The following MPPED1 variants were observed in gnomAD, a reference collection of about 807,000 sequenced individuals.
MPPED1 encodes the protein metallophosphoesterase domain-containing protein 1.
Under a neutral mutation model 36.2 loss-of-function variants are expected in MPPED1, and 16 were observed. The ratio of observed to expected loss-of-function variants is 0.44; its 90% CI spans 0.30 to 0.67. MPPED1 has a LOEUF of 0.67. MPPED1 is among the 30% of genes least tolerant of loss of function. The pLI is 0.10. For synonymous variants in MPPED1, 199 were observed against 191.3 expected (o/e 1.04, Z -0.33); for missense variants, 307 against 453.4 (o/e 0.68, Z 2.93).
chr22:43,446,289 G>A (rs537821792), intron 3 of MPPED1, among the ~76,000 whole-genome samples: 1 of 152,324 alleles, frequency 6.6e-6, no homozygotes, highest in African/African-American at 2.4e-5. Flanking sequence ...CACATTTTCT[G>A]CACTGGGCGT....
chr22:43,494,474 C>A (rs1932193526), intron 4 of MPPED1, among the ~76,000 whole-genome samples: 1 of 152,152 alleles, frequency 6.6e-6, no homozygotes, highest in Admixed American at 6.6e-5. Flanking sequence ...CAGTTTCTAC[C>A]TCCATTGTCA....
At chr22:43,498,159 TG>T in intron 4 of MPPED1, 75 bp from the exon 5 acceptor site, 1 of 1,191,732 alleles carries the variant, frequency 8.4e-7, no homozygotes, top group Non-Finnish European at 1.2e-6. Flanking sequence ...CCCTGGCCCG[TG>T]GGGAGCTCCG....
At chr22:43,447,367 A>G (rs1187439495) in intron 3 of MPPED1, among the ~76,000 whole-genome samples, 2 of 152,140 alleles carry the variant, frequency 1.3e-5, no homozygotes, top group Non-Finnish European at 2.9e-5. Context: ...ATTTTATTCC[A>G]GAACAGGAAT....
At chr22:43,481,797 G>A (rs867682864) in intron 4 of MPPED1, among the ~76,000 whole-genome samples, 39 of 152,260 alleles carry the variant, frequency 2.6e-4, no homozygotes, top group Middle Eastern at 3.4e-3. Flanking sequence ...GCCCCCTCCT[G>A]TGTCCCCTGG....
intron 4 of MPPED1, among the ~76,000 whole-genome samples, chr22:43,484,788 G>A (rs928908342): frequency 1.3e-5 from 2 of 152,116 alleles, no homozygotes; most frequent in African/African-American, 4.8e-5. Context: ...TCAGGGAAAC[G>A]GCTGCTTGAG....
intron 5 of MPPED1, among the ~76,000 whole-genome samples, chr22:43,500,805 G>A (rs28760421): frequency 0.68 from 102,729 of 151,838 alleles, 36,553 homozygotes; most frequent in African/African-American, 0.91. Context: ...GGACACATTC[G>A]GGGGTGAGGG....
intron 3 of MPPED1, among the ~76,000 whole-genome samples, chr22:43,458,248 A>G (rs1385492955): frequency 6.6e-6 from 1 of 152,152 alleles, no homozygotes; most frequent in Non-Finnish European, 1.5e-5. Flanking sequence ...TAAACTGGAT[A>G]GGAGAACAAA....
chr22:43,495,639 AGGT>A lies in MPPED1; in HGVS notation c.633-2594_633-2592del, dbSNP rs1304574191. Among the ~76,000 whole-genome samples, 12 of 54,662 alleles carry A rather than the reference AGGT, an allele frequency of 2.2e-4. 1 individual carries two copies. Among genetic ancestry groups the A allele is most frequent in the Non-Finnish European group, 2.5e-4 (6 of 24,086 alleles). The allele number at this position is 54,662 out of a possible 152,430, so 35.9% of individuals were successfully genotyped here. On this transcript the variant is annotated intron_variant, in intron 4 of 6. Coordinates refer to ENST00000443721, the MANE Select transcript of MPPED1 (RefSeq NM_001044370.2). The stretch of plus-strand genomic sequence containing the variant: ...GTAGTGGTGGAGATGGTGGTGGTGG[AGGT>A]GATGGTGGAGGTAGTGGTGGTGGAG...
At chr22:43,441,445 C>T (rs192920327) in intron 3 of MPPED1, among the ~76,000 whole-genome samples, 113 of 152,264 alleles carry the variant, frequency 7.4e-4, no homozygotes, top group Middle Eastern at 3.4e-3. Context: ...CACTCCAGGG[C>T]GGAGACCATA....
intron 3 of MPPED1, among the ~76,000 whole-genome samples, chr22:43,459,924 T>G (rs73428326): frequency 1.3e-5 from 2 of 152,050 alleles, no homozygotes; most frequent in African/African-American, 4.8e-5. Context: ...TAGATGTTTT[T>G]GTGGCCAGGC....
intron 4 of MPPED1, among the ~76,000 whole-genome samples, chr22:43,477,940 CAAAG>C (rs113703521): frequency 0.044 from 6,679 of 152,240 alleles, 175 homozygotes; most frequent in Admixed American, 0.067. Flanking sequence ...AGGCCTGGCT[CAAAG>C]GAAGGCCCTG....
intron 5 of MPPED1, among the ~76,000 whole-genome samples, chr22:43,501,758 A>T (rs931527334): frequency 6.6e-6 from 1 of 151,826 alleles, no homozygotes; most frequent in Non-Finnish European, 1.5e-5. Flanking sequence ...ACTTCAACCC[A>T]GTGTCTGCCC....
chr22:43,458,797 G>A (rs963297016), intron 3 of MPPED1, among the ~76,000 whole-genome samples: 1 of 152,122 alleles, frequency 6.6e-6, no homozygotes, highest in Non-Finnish European at 1.5e-5. Context: ...ATAGTTTTGC[G>A]GGATGTAGAA....
intron 3 of MPPED1, among the ~76,000 whole-genome samples, chr22:43,437,071 T>C (rs2146836580): frequency 6.6e-6 from 1 of 152,314 alleles, no homozygotes; most frequent in Middle Eastern, 3.4e-3. Context: ...CAAGGAGGAA[T>C]GGGCTTCAGA....
In MPPED1 at chr22:43,502,601, G is replaced by C; in HGVS notation, c.749-43G>C. 4 of 1,535,178 alleles carry C rather than the reference G, an allele frequency of 2.6e-6. No individual in the cohort carries two copies. The highest frequency in any genetic ancestry group is 3.6e-6 in the Non-Finnish European group (4 of 1,109,688). The stretch of plus-strand genomic sequence containing the variant: ...CTAGGCGTGGGGCAGTGAGGGGCTG[G>C]GACAGACCGCGTCATGGCCTCCTGT... On this transcript the variant is annotated intron_variant, in intron 5 of 6. Coordinates refer to ENST00000443721, the MANE Select transcript of MPPED1 (RefSeq NM_001044370.2). This position sits in a 1 kb window ranked among gnomAD's most constrained non-coding sequence, Gnocchi z 5.5.
chr22:43,435,108 C>A lies in MPPED1; in HGVS notation c.299C>A (p.Ser100Ter). The A allele has an allele frequency of 6.2e-7, 1 of 1,613,898 alleles. No homozygotes were observed. Among genetic ancestry groups the A allele is most frequent in the Non-Finnish European group, 8.5e-7 (1 of 1,179,888 alleles). ...TTCGTCTGCGTCTCTGATACCCACT[C>A]GAGGACGGACCCCATCCAGATGCCG... The part of the protein sequence containing the change: ...TRFVCVSDTH[S>*]RTDPIQMPYG... The change falls in exon 3 of 7, where the codon TCG (serine) becomes TAG (stop). Residue 100 changes from serine to a stop codon, truncating the protein, a stop_gained. Transcript: ENST00000443721. LOFTEE classifies it high-confidence loss of function.
chr22:43,448,492 A>T (rs971332104), intron 3 of MPPED1, among the ~76,000 whole-genome samples: 3 of 152,222 alleles, frequency 2.0e-5, no homozygotes, highest in Non-Finnish European at 4.4e-5. Flanking sequence ...AGCTGAGCTC[A>T]GCGGGGAGAA....
chr22:43,458,291 T>C (rs1930824667), intron 3 of MPPED1, among the ~76,000 whole-genome samples: 1 of 137,564 alleles, frequency 7.3e-6, no homozygotes. Flanking sequence ...TTGTACTGTC[T>C]TTTTTTTTTT....
At chr22:43,444,887 T>C (rs6003201) in intron 3 of MPPED1, among the ~76,000 whole-genome samples, 10,390 of 152,220 alleles carry the variant, frequency 0.068, 1,195 homozygotes, top group African/African-American at 0.24. Context: ...GGAGATAGTT[T>C]ATAAAAATGA....
Sources: gnomAD v4.1 joint callset for allele counts (sites outside exome capture counted in the v4.1 genomes callset) on GRCh38, gnomAD v4.1.1 for gene constraint, Gnocchi (gnomAD v3.1) non-coding constraint, MANE v1.5 for transcripts, NCBI Gene and HGNC (gene_info 2026-07-23, HGNC 2026-07-21) for gene names.